The following SERPINA6 variants were observed in gnomAD, a reference collection of about 807,000 sequenced individuals.
SERPINA6 encodes serpin family A member 6, also known as corticosteroid-binding globulin.
In SERPINA6, 19 loss-of-function variants were observed where a neutral mutation model predicts 26.4. That is an observed-to-expected ratio of 0.72 (90% CI 0.50 to 1.06). The LOEUF is 1.06. Among genes scored for constraint, SERPINA6 ranks in the 50% least tolerant of loss-of-function variants. The pLI, the probability that SERPINA6 is intolerant of heterozygous loss-of-function variation, is 0.00. For missense variants in SERPINA6, 473 were observed against 504.0 expected, an observed-to-expected ratio of 0.94 and a Z score of 0.59; for synonymous variants, 196 against 199.4, an observed-to-expected ratio of 0.98 and a Z score of 0.14.
At chr14:94,321,987 T>C (rs1895690411) in intron 1 of SERPINA6, among the ~76,000 whole-genome samples, 1 of 152,126 alleles carries the variant, frequency 6.6e-6, no homozygotes, top group African/African-American at 2.4e-5. Context: ...CCCCACAATA[T>C]TGTTGTGAAT....
chr14:94,304,339 C>T lies in SERPINA6; in HGVS notation c.*79G>A. 1.7e-5 allele frequency: 25 copies of T among 1,442,204 alleles called. No individual in the cohort carries two copies. Among genetic ancestry groups the T allele is most frequent in the Non-Finnish European group, 2.4e-5 (25 of 1,023,880 alleles). 89.3% of individuals were successfully genotyped at this position (1,442,204 alleles called of 1,614,324 possible). A position where few individuals can be genotyped will look rare whatever the true frequency, so the allele number is the denominator to read the frequency against. ...GAACTTGGAGGAGATTGGGGGAAAC[C>T]TCCCGCTCTCCAAAACATTTCTGTG... On this transcript the variant is annotated 3_prime_UTR_variant, in exon 5 of 5. Transcript: ENST00000341584.
intron 1 of SERPINA6, among the ~76,000 whole-genome samples, chr14:94,318,193 G>A (rs1895637247): frequency 6.6e-6 from 1 of 152,126 alleles, no homozygotes; most frequent in African/African-American, 2.4e-5. Context: ...TAAATAAATG[G>A]AAAGACATCC....
At chr14:94,310,716 CG>C (rs1322851707) in intron 2 of SERPINA6, among the ~76,000 whole-genome samples, 1 of 152,164 alleles carries the variant, frequency 6.6e-6, no homozygotes, top group Non-Finnish European at 1.5e-5. Context: ...CCTGATTGTC[CG>C]CCACCAGCAG....
intron 1 of SERPINA6, among the ~76,000 whole-genome samples, chr14:94,318,140 A>T (rs937793939): frequency 6.6e-6 from 1 of 152,246 alleles, no homozygotes; most frequent in Non-Finnish European, 1.5e-5. Context: ...AGAGACATAC[A>T]CTGAAAAGTA....
intron 3 of SERPINA6, 21 bp from the exon 4 acceptor site, chr14:94,306,239 G>A: frequency 6.2e-7 from 1 of 1,614,028 alleles, no homozygotes; most frequent in Non-Finnish European, 8.5e-7. Context: ...TAAGCAGACA[G>A]AGTTAGACAT....
chr14:94,313,391 C>G (rs1414821885), intron 2 of SERPINA6, among the ~76,000 whole-genome samples: 1 of 152,180 alleles, frequency 6.6e-6, no homozygotes, highest in Non-Finnish European at 1.5e-5. Flanking sequence ...CCAGGTGGGC[C>G]ATTATCCAGT....
intron 1 of SERPINA6, among the ~76,000 whole-genome samples, chr14:94,319,853 GA>G (rs1298929852): frequency 2.0e-5 from 3 of 152,162 alleles, no homozygotes; most frequent in Non-Finnish European, 4.4e-5. Context: ...CTGGGATGAT[GA>G]AAAAGTTCCG....
chr14:94,321,850 C>T (rs1216125230), intron 1 of SERPINA6, among the ~76,000 whole-genome samples: 1 of 152,230 alleles, frequency 6.6e-6, no homozygotes. Context: ...GGGATCTCCT[C>T]TCAGGCACAG....
intron 1 of SERPINA6, among the ~76,000 whole-genome samples, chr14:94,320,630 G>A (rs1054194094): frequency 6.6e-6 from 1 of 152,128 alleles, no homozygotes; most frequent in Non-Finnish European, 1.5e-5. Context: ...TAACAGGTGC[G>A]CTCCGAGCGT....
rs759461752 is a variant in SERPINA6, at chr14:94,306,160, C to G, written c.943G>C (p.Val315Leu). ...TISGVYDLGDVLEEMGIADLF... is the reference protein window; with the variant it reads ...TISGVYDLGDLLEEMGIADLF... ...TCTGCAATGCCCATTTCCTCCAGCA[C>G]ATCTCCGAGGTCATAGACTCCAGAG... Residue 315 changes from valine to leucine, a missense_variant, in exon 4 of 5, where the codon GTG becomes CTG. Val to Leu is a conservative substitution (Grantham distance 32). Transcript: ENST00000341584. 6.2e-7 allele frequency: 1 copy of G among 1,614,204 alleles called. No individual in the cohort carries two copies. The highest frequency in any genetic ancestry group is 8.5e-7 in the Non-Finnish European group (1 of 1,180,028).
Position 94,314,388 on chromosome 14 carries a change from G to A in SERPINA6, c.261C>T (p.Ala87=). ...TGAAACCCAGGCCCTGGAGAAGCTG[G>A]GCCCGTGTGTGGCCACAGGTGCCCA... The part of the protein sequence containing the change: ...LSLGTCGHTR[A]QLLQGLGFNL... The change falls in exon 2 of 5, where the codon GCC becomes GCT. Residue 87 remains alanine (A), a synonymous_variant. Transcript: ENST00000341584. The A allele has an allele frequency of 6.2e-7, 1 of 1,614,118 alleles. No homozygotes were observed. Among genetic ancestry groups the A allele is most frequent in the Non-Finnish European group, 8.5e-7 (1 of 1,180,026 alleles).
intron 2 of SERPINA6, among the ~76,000 whole-genome samples, chr14:94,313,000 T>C (rs1895553581): frequency 6.6e-6 from 1 of 152,192 alleles, no homozygotes; most frequent in Non-Finnish European, 1.5e-5. Flanking sequence ...TAACTGAAAC[T>C]CAACCACCTG....
chr14:94,314,261 C>T lies in SERPINA6; in HGVS notation c.388G>A (p.Ala130Thr), dbSNP rs1310172418. The T allele has an allele frequency of 2.5e-6, 4 of 1,614,196 alleles. No homozygotes were observed. The East Asian group carries it at 8.9e-5, about 36-fold the overall frequency. ...DTSLEMTMGNALFLDGSLELL... is the reference protein window; with the variant it reads ...DTSLEMTMGNTLFLDGSLELL... ...TCCAGGCTGCCATCAAGAAACAAGG[C>T]ATTGCCCATGGTCATTTCTAAGCTG... is the stretch of plus-strand genomic sequence containing the variant. Residue 130 changes from alanine to threonine, a missense_variant, in exon 2 of 5, where the codon GCC becomes ACC. By Grantham distance (58) the Ala-to-Thr change is moderately conservative. Transcript: ENST00000341584.
At chr14:94,312,353 G>T (rs138165772) in intron 2 of SERPINA6, among the ~76,000 whole-genome samples, 1 of 152,138 alleles carries the variant, frequency 6.6e-6, no homozygotes, top group Non-Finnish European at 1.5e-5. Context: ...CATCTCTCAG[G>T]CTCAGGAGGG....
chr14:94,306,951 G>A (rs1362796990), intron 3 of SERPINA6, among the ~76,000 whole-genome samples: 1 of 152,204 alleles, frequency 6.6e-6, no homozygotes, highest in East Asian at 1.9e-4. Flanking sequence ...AGGGGTGTCA[G>A]TGAACTCGCA....
intron 1 of SERPINA6, among the ~76,000 whole-genome samples, chr14:94,316,980 G>T (rs1265142062): frequency 6.6e-6 from 1 of 152,138 alleles, no homozygotes; most frequent in Non-Finnish European, 1.5e-5. Flanking sequence ...GAATTACATG[G>T]CTGGCTTTCC....
chr14:94,321,580 T>C (rs1895685452), intron 1 of SERPINA6, among the ~76,000 whole-genome samples: 1 of 152,148 alleles, frequency 6.6e-6, no homozygotes. Context: ...GCAGGTCATT[T>C]TGATTTTTCC....
At chr14:94,306,662 C>A (rs1895446023) in intron 3 of SERPINA6, among the ~76,000 whole-genome samples, 1 of 152,206 alleles carries the variant, frequency 6.6e-6, no homozygotes, top group Non-Finnish European at 1.5e-5. Context: ...AGTCCAGCCC[C>A]TCTCTGTGCT....
At chr14:94,320,731 C>A (rs958650026) in intron 1 of SERPINA6, among the ~76,000 whole-genome samples, 2 of 152,118 alleles carry the variant, frequency 1.3e-5, no homozygotes, top group African/African-American at 4.8e-5. Context: ...GTGGGAACTC[C>A]CCCGCAAAAC....
Sources: allele counts gnomAD v4.1 joint callset (sites outside exome capture counted in the v4.1 genomes callset), GRCh38; gene constraint gnomAD v4.1.1; transcripts MANE v1.5; gene names NCBI Gene and HGNC (gene_info 2026-07-23, HGNC 2026-07-21).